The following SFXN1 variants were observed in gnomAD, a reference collection of about 807,000 sequenced individuals.
The protein encoded by SFXN1 is sideroflexin 1, also known as sideroflexin-1.
In SFXN1, 32 loss-of-function variants were observed where a neutral mutation model predicts 39.5. The ratio of observed to expected loss-of-function variants is 0.81; its 90% CI spans 0.61 to 1.09. SFXN1 has a LOEUF of 1.09. Among genes scored for constraint, SFXN1 ranks in the 50% least tolerant of loss-of-function variants. SFXN1 has a pLI of 0.00. For synonymous variants in SFXN1, 136 were observed against 146.5 expected (o/e 0.93, Z 0.52); for missense variants, 402 against 407.1 (o/e 0.99, Z 0.11).
chr5:175,495,426 A>G (rs1280536472), intron 2 of SFXN1, among the ~76,000 whole-genome samples: 2 of 152,174 alleles, frequency 1.3e-5, no homozygotes, highest in Non-Finnish European at 2.9e-5. Context: ...ACAGAATTGT[A>G]TACTTAAAAA....
At chr5:175,497,361 C>G (rs1273254896) in intron 2 of SFXN1, among the ~76,000 whole-genome samples, 1 of 152,064 alleles carries the variant, frequency 6.6e-6, no homozygotes, top group Non-Finnish European at 1.5e-5. Flanking sequence ...GTATGACTGC[C>G]AATATATAGT....
chr5:175,522,787 A>G (rs1005370520), intron 10 of SFXN1: 1 of 180,982 alleles, frequency 5.5e-6, no homozygotes, highest in Admixed American at 5.8e-5. Flanking sequence ...AGGGACAGCA[A>G]TTATATGCAC....
At chr5:175,489,216 T>C (rs1759567004) in intron 1 of SFXN1, among the ~76,000 whole-genome samples, 1 of 152,238 alleles carries the variant, frequency 6.6e-6, no homozygotes, top group Non-Finnish European at 1.5e-5. Context: ...TTATATCTTA[T>C]TGGCTCATTC....
chr5:175,500,927 A>G, intron 2 of SFXN1, among the ~76,000 whole-genome samples: 1 of 152,204 alleles, frequency 6.6e-6, no homozygotes, highest in East Asian at 1.9e-4. Context: ...TGTATAAAAA[A>G]TGGATCTTGA....
chr5:175,526,324 A>G (rs1761059116), intron 10 of SFXN1, among the ~76,000 whole-genome samples: 1 of 152,152 alleles, frequency 6.6e-6, no homozygotes. Flanking sequence ...ATTGCCACAA[A>G]TGGTTTTTCC....
chr5:175,524,673 G>T (rs156375), intron 10 of SFXN1, among the ~76,000 whole-genome samples: 48,129 of 150,576 alleles, frequency 0.32, 11,454 homozygotes, highest in African/African-American at 0.67. Context: ...GGAAGGAGAT[G>T]AAGATCAGAA....
intron 2 of SFXN1, among the ~76,000 whole-genome samples, chr5:175,506,508 G>A (rs933106659): frequency 1.3e-5 from 2 of 152,202 alleles, no homozygotes; most frequent in East Asian, 1.9e-4. Context: ...TTGGATGTGG[G>A]GATAGATTTA....
chr5:175,496,617 A>C (rs900023385), intron 2 of SFXN1, among the ~76,000 whole-genome samples: 3 of 152,226 alleles, frequency 2.0e-5, no homozygotes, highest in African/African-American at 2.4e-5. Context: ...ACAAATTAAA[A>C]ATTTTAAAAA....
At chr5:175,492,374 G>A in intron 2 of SFXN1, 107 bp downstream of exon 2, 6 of 1,042,244 alleles carry the variant, frequency 5.8e-6, no homozygotes, top group South Asian at 3.8e-5. Flanking sequence ...TTTTTGCAAT[G>A]GAATTCTTTT....
intron 6 of SFXN1, 50 bp from the exon 7 acceptor site, chr5:175,513,413 C>T (rs1490714885): frequency 2.0e-5 from 31 of 1,570,722 alleles, no homozygotes; most frequent in Non-Finnish European, 2.4e-5. Context: ...TATTTCAGGA[C>T]GTTTATTGAA....
intron 8 of SFXN1, among the ~76,000 whole-genome samples, chr5:175,520,510 G>T (rs968799424): frequency 6.6e-6 from 1 of 152,142 alleles, no homozygotes; most frequent in African/African-American, 2.4e-5. Flanking sequence ...TACTGAAATT[G>T]TCTAGGGGCC....
chr5:175,522,099 C>T, intron 9 of SFXN1, 131 bp downstream of exon 9: 1 of 714,162 alleles, frequency 1.4e-6, no homozygotes, highest in Non-Finnish European at 2.2e-6. Context: ...GAATGCATGG[C>T]CCCAAATAAT....
intron 8 of SFXN1, among the ~76,000 whole-genome samples, chr5:175,520,780 C>T (rs972878980): frequency 1.2e-4 from 18 of 152,152 alleles, no homozygotes; most frequent in Admixed American, 3.9e-4. Context: ...GGCTAGGAAG[C>T]GCTGGGGAGT....
At chr5:175,497,900 A>G (rs1468848802) in intron 2 of SFXN1, among the ~76,000 whole-genome samples, 3 of 149,086 alleles carry the variant, frequency 2.0e-5, no homozygotes, top group Non-Finnish European at 4.4e-5. Context: ...ACTGCACTCC[A>G]GCGCAGGTGA....
intron 10 of SFXN1, among the ~76,000 whole-genome samples, chr5:175,524,370 G>A (rs1310962266): frequency 6.6e-6 from 1 of 151,176 alleles, no homozygotes; most frequent in Non-Finnish European, 1.5e-5. Context: ...TTTTTATTCA[G>A]TGTCAGAACT....
At chr5:175,509,972 T>TCCTAA (rs759872642) in intron 3 of SFXN1, 137 bp from the exon 4 acceptor site, 93 of 664,520 alleles carry the variant, frequency 1.4e-4, no homozygotes, top group Non-Finnish European at 2.2e-4. Context: ...AGCACACAGA[T>TCCTAA]CCTAAGCCTG....
Position 175,521,955 on chromosome 5 carries a change from T to C in SFXN1, c.811T>C (p.Leu271=). ...PWMSAPIQVG[L]VGFCLVFATP... ...GATGAGTGCACCCATTCAAGTTGGG[T>C]TAGTTGGCTTCTGGTGAGTAGAAAT... Residue 271 remains leucine, a synonymous_variant, in exon 9 of 11, where the codon TTA becomes CTA. Transcript: ENST00000321442. 6.2e-7 allele frequency: 1 copy of C among 1,603,386 alleles called. No homozygotes were observed. Among genetic ancestry groups the C allele is most frequent in the Non-Finnish European group, 8.5e-7 (1 of 1,172,880 alleles).
intron 6 of SFXN1, 61 bp from the exon 7 acceptor site, chr5:175,513,402 C>G: frequency 4.7e-6 from 7 of 1,482,766 alleles, no homozygotes; most frequent in Non-Finnish European, 6.4e-6. Context: ...CAACATAGTA[C>G]TATTTCAGGA....
chr5:175,489,935 G>A (rs573401926), intron 1 of SFXN1, among the ~76,000 whole-genome samples: 81 of 152,226 alleles, frequency 5.3e-4, no homozygotes, highest in Admixed American at 1.5e-3. Flanking sequence ...GATGTTCCCC[G>A]GTGGAGATCT....
Sources: allele counts gnomAD v4.1 joint callset (sites outside exome capture counted in the v4.1 genomes callset), GRCh38; gene constraint gnomAD v4.1.1; transcripts MANE v1.5; gene names NCBI Gene and HGNC (gene_info 2026-07-23, HGNC 2026-07-21).